The following C8orf88 variants were observed in gnomAD, a reference collection of about 807,000 sequenced individuals.
C8orf88 encodes the protein uncharacterized protein C8orf88.
Under a neutral mutation model 18.4 loss-of-function variants are expected in C8orf88, and 14 were observed. That is an observed-to-expected ratio of 0.76 (90% CI 0.50 to 1.19). The LOEUF (loss-of-function observed/expected upper bound fraction) is 1.19, where lower values mean the gene tolerates loss of function less well. Among genes scored for constraint, C8orf88 ranks in the 50% most tolerant of loss-of-function variants. C8orf88 has a pLI of 0.00. For synonymous variants in C8orf88, 45 were observed against 42.9 expected, an observed-to-expected ratio of 1.05 and a Z score of -0.19; for missense variants, 116 against 134.7, an observed-to-expected ratio of 0.86 and a Z score of 0.69.
At chr8:90,974,050 G>C (rs1185032423) in intron 3 of C8orf88, among the ~76,000 whole-genome samples, 1 of 152,060 alleles carries the variant, frequency 6.6e-6, no homozygotes. Context: ...GCCTATAGAA[G>C]AGAATGGGCA....
At chr8:90,978,435 T>C (rs1811384384) in intron 3 of C8orf88, 144 bp downstream of exon 3, 1 of 414,918 alleles carries the variant, frequency 2.4e-6, no homozygotes, top group South Asian at 1.0e-4. Context: ...GGGTGACAGA[T>C]AAATGGGTGT....
intron 5 of C8orf88, 35 bp downstream of exon 5, chr8:90,960,707 A>G (rs764222680): frequency 3.3e-6 from 4 of 1,197,146 alleles, no homozygotes; most frequent in Non-Finnish European, 4.6e-6. Context: ...ATTTTGTAAT[A>G]TAATATTACA....
chr8:90,967,602 AG>A (rs936335598), intron 4 of C8orf88, among the ~76,000 whole-genome samples: 10 of 151,690 alleles, frequency 6.6e-5, no homozygotes, highest in Non-Finnish European at 1.2e-4. Context: ...TACTTGCTAT[AG>A]GTTTGTTCAG....
chr8:90,961,725 G>GTTT (rs920848981), intron 4 of C8orf88, among the ~76,000 whole-genome samples: 3 of 151,118 alleles, frequency 2.0e-5, no homozygotes, highest in Non-Finnish European at 4.4e-5. Flanking sequence ...TTTTCTCTAA[G>GTTT]TTTTATTTTA....
Position 90,978,695 on chromosome 8 carries a change from C to A in C8orf88, c.74-43G>T, listed in dbSNP as rs1308469415. The A allele has an allele frequency of 4.5e-6, 5 of 1,107,320 alleles. No individual in the cohort carries two copies. The African/African-American group carries it at 6.3e-5, about 14-fold the overall frequency. 68.6% of individuals were successfully genotyped at this position (1,107,320 alleles called of 1,614,324 possible). A position where few individuals can be genotyped will look rare whatever the true frequency, so the allele number is the denominator to read the frequency against. On this transcript the variant is annotated intron_variant, in intron 2 of 5. Transcript: ENST00000517562. ...AAACAATTTCATAGATCTATTATTT[C>A]AATAAATAATATAATCAACTAAAAA...
At chr8:90,960,022 C>A (rs1214729860) in intron 5 of C8orf88, among the ~76,000 whole-genome samples, 1 of 150,448 alleles carries the variant, frequency 6.6e-6, no homozygotes, top group Non-Finnish European at 1.5e-5. Context: ...AACTTATCAT[C>A]CTTATCAGCA....
At chr8:90,974,474 G>A (rs573879027) in intron 3 of C8orf88, among the ~76,000 whole-genome samples, 158 of 152,240 alleles carry the variant, frequency 1.0e-3, no homozygotes, top group Admixed American at 2.1e-3. Flanking sequence ...AAGCCTTTAA[G>A]TGCTTCCTGT....
At chr8:90,959,311 G>A (rs980909289) in intron 5 of C8orf88, 1 of 188,536 alleles carries the variant, frequency 5.3e-6, no homozygotes, top group African/African-American at 2.3e-5. Flanking sequence ...TAAATCACAA[G>A]TAAAATGAAT....
intron 3 of C8orf88, among the ~76,000 whole-genome samples, chr8:90,975,742 G>A (rs1213340214): frequency 6.6e-6 from 1 of 151,824 alleles, no homozygotes. Context: ...ATCTTATAAC[G>A]CTAAACAAAC....
chr8:90,976,192 A>T (rs1346222732), intron 3 of C8orf88, among the ~76,000 whole-genome samples: 1 of 152,078 alleles, frequency 6.6e-6, no homozygotes, highest in Non-Finnish European at 1.5e-5. Context: ...AGGAAGATGG[A>T]AGATTTTCAT....
chr8:90,962,009 A>G (rs1246917596), intron 4 of C8orf88, among the ~76,000 whole-genome samples: 1 of 151,600 alleles, frequency 6.6e-6, no homozygotes, highest in Non-Finnish European at 1.5e-5. Context: ...ATACACATGA[A>G]AAGACTAGGA....
chr8:90,967,914 G>C (rs1352955213), intron 4 of C8orf88, among the ~76,000 whole-genome samples: 1 of 151,682 alleles, frequency 6.6e-6, no homozygotes, highest in Non-Finnish European at 1.5e-5. Flanking sequence ...ATTGCTAAAA[G>C]AAGTTAAAGA....
intron 1 of C8orf88, among the ~76,000 whole-genome samples, chr8:90,980,798 T>C (rs1188460949): frequency 6.6e-6 from 1 of 152,132 alleles, no homozygotes; most frequent in Non-Finnish European, 1.5e-5. Context: ...GCTCAAGAGA[T>C]CCTCCTGCCT....
chr8:90,967,177 A>G (rs1373482878), intron 4 of C8orf88, among the ~76,000 whole-genome samples: 3 of 151,812 alleles, frequency 2.0e-5, no homozygotes, highest in African/African-American at 7.2e-5. Flanking sequence ...AATTGAGTTG[A>G]TCATGTGTTT....
chr8:90,961,187 C>T (rs1367441224), intron 4 of C8orf88, among the ~76,000 whole-genome samples: 1 of 151,156 alleles, frequency 6.6e-6, no homozygotes, highest in Non-Finnish European at 1.5e-5. Flanking sequence ...TCAGATCTGC[C>T]AAAATGTTAC....
intron 4 of C8orf88, among the ~76,000 whole-genome samples, chr8:90,962,848 T>A (rs1411004002): frequency 6.6e-6 from 1 of 151,584 alleles, no homozygotes; most frequent in Non-Finnish European, 1.5e-5. Flanking sequence ...TGCTTCCACC[T>A]GAGACAAGGG....
intron 4 of C8orf88, among the ~76,000 whole-genome samples, chr8:90,970,402 C>A (rs2130311411): frequency 6.6e-6 from 1 of 152,082 alleles, no homozygotes; most frequent in East Asian, 1.9e-4. Context: ...TTTTAAACTA[C>A]ATACATTAAT....
intron 1 of C8orf88, among the ~76,000 whole-genome samples, chr8:90,984,083 T>C (rs1319320331): frequency 1.3e-5 from 2 of 152,178 alleles, no homozygotes; most frequent in Non-Finnish European, 2.9e-5. Context: ...GATCACAGCA[T>C]ATGAAATATA....
chr8:90,966,922 A>G (rs984485621), intron 4 of C8orf88, among the ~76,000 whole-genome samples: 10 of 151,952 alleles, frequency 6.6e-5, no homozygotes, highest in African/African-American at 1.9e-4. Flanking sequence ...TTTTTGAACT[A>G]TCGTAAAATC....
Sources: gnomAD v4.1 joint callset for allele counts (sites outside exome capture counted in the v4.1 genomes callset) on GRCh38, gnomAD v4.1.1 for gene constraint, MANE v1.5 for transcripts, NCBI Gene and HGNC (gene_info 2026-07-23, HGNC 2026-07-21) for gene names.